Variants in ATP10A observed in about 807,000 individuals in gnomAD.
ATP10A encodes the protein ATPase phospholipid transporting 10A (putative), also known as phospholipid-transporting ATPase VA.
A neutral mutation model predicts 147.8 loss-of-function variants in ATP10A; 111 were observed. The observed-to-expected ratio is 0.75, with a 90% CI of 0.64 to 0.88. The LOEUF (loss-of-function observed/expected upper bound fraction) is 0.88, where lower values mean the gene tolerates loss of function less well. Among genes scored for constraint, ATP10A ranks in the 40% least tolerant of loss-of-function variants. The pLI is 0.00. For missense variants in ATP10A, 1,927 were observed against 1,959.0 expected (o/e 0.98, Z 0.31); for synonymous variants, 875 against 841.6 (o/e 1.04, Z -0.69).
chr15:25,704,388 C>A (rs866220856), intron 12 of ATP10A, among the ~76,000 whole-genome samples: 2 of 152,334 alleles, frequency 1.3e-5, no homozygotes, highest in South Asian at 2.1e-4. Context: ...CAACTTCCTG[C>A]CTCAAGGACC....
rs528208007 is a variant in ATP10A at position 25,803,463 on chromosome 15, G to A, written c.450-22240C>T. 2.0e-3 allele frequency among the ~76,000 whole-genome samples: 297 copies of A among 152,230 alleles called. 2 individuals are homozygous for A. Among genetic ancestry groups the A allele is most frequent in the African/African-American group, 6.7e-3 (279 of 41,524 alleles). On this transcript the variant is annotated intron_variant, in intron 1 of 20. Coordinates refer to ENST00000555815, the MANE Select transcript of ATP10A (RefSeq NM_024490.4). Reference sequence around the variant, plus strand: ...AAGGACTGAATGGCTAGGACAACTCGCCCTCTACCAAGAGCTTTGCAAAGT... The same window carrying A: ...AAGGACTGAATGGCTAGGACAACTCACCCTCTACCAAGAGCTTTGCAAAGT...
At chr15:25,786,404 G>A (rs1308955681) in intron 1 of ATP10A, among the ~76,000 whole-genome samples, 1 of 152,130 alleles carries the variant, frequency 6.6e-6, no homozygotes, top group Admixed American at 6.6e-5. Context: ...GCACATCCAT[G>A]AAGGCAGACA....
At chr15:25,793,969 G>C (rs1242318490) in intron 1 of ATP10A, among the ~76,000 whole-genome samples, 1 of 152,190 alleles carries the variant, frequency 6.6e-6, no homozygotes, top group East Asian at 1.9e-4. Context: ...CAGATGCCCA[G>C]GGATACAGCA....
chr15:25,718,436 G>A (rs1173361774), intron 7 of ATP10A, 37 bp from the exon 8 acceptor site: 6 of 1,552,310 alleles, frequency 3.9e-6, no homozygotes, highest in South Asian at 2.3e-5. Context: ...CATCATGGGG[G>A]AAGGCTGGGC....
At chr15:25,757,277 T>C (rs1888466765) in intron 2 of ATP10A, among the ~76,000 whole-genome samples, 1 of 152,082 alleles carries the variant, frequency 6.6e-6, no homozygotes, top group Non-Finnish European at 1.5e-5. Context: ...CTAGTAATTA[T>C]AAAATTTAAA....
intron 2 of ATP10A, among the ~76,000 whole-genome samples, chr15:25,767,019 A>G (rs1032428519): frequency 3.3e-5 from 5 of 152,138 alleles, no homozygotes; most frequent in Admixed American, 6.5e-5. Flanking sequence ...GGCATCAGCA[A>G]TTTCTTTGAA....
At chr15:25,799,604 C>A (rs1204316916) in intron 1 of ATP10A, among the ~76,000 whole-genome samples, 2 of 152,166 alleles carry the variant, frequency 1.3e-5, no homozygotes, top group Non-Finnish European at 2.9e-5. Flanking sequence ...CATGGAAGTG[C>A]ACGCCTGTGG....
At chr15:25,765,897 T>C (rs1303085526) in intron 2 of ATP10A, among the ~76,000 whole-genome samples, 1 of 152,204 alleles carries the variant, frequency 6.6e-6, no homozygotes, top group African/African-American at 2.4e-5. Context: ...ACCTGCCAGG[T>C]GCAGTGCAAA....
In ATP10A at chr15:25,863,205, G is replaced by A. The variant is rs1893856169; in HGVS notation, c.-109C>T. 5 of 785,824 alleles carry A rather than the reference G, an allele frequency of 6.4e-6. No homozygotes were observed. In the Admixed American group the frequency reaches 1.7e-4, roughly 26 times the overall value. The allele number at this position is 785,824 out of a possible 1,614,324, so 48.7% of individuals were successfully genotyped here. A position where few individuals can be genotyped will look rare whatever the true frequency, so the allele number is the denominator to read the frequency against. ...GCGCGGCGGTGCGAGCTCCCCGCCT[G>A]CGGGACGCACGGAGACCGCGGTCAG... On this transcript the variant is annotated 5_prime_UTR_variant, in exon 1 of 21. Coordinates refer to ENST00000555815, the MANE Select transcript of ATP10A (RefSeq NM_024490.4).
intron 1 of ATP10A, among the ~76,000 whole-genome samples, chr15:25,847,015 A>G (rs1204941226): frequency 6.6e-6 from 1 of 152,220 alleles, no homozygotes; most frequent in Non-Finnish European, 1.5e-5. Context: ...CAGCTACACT[A>G]AAAAGGATCA....
chr15:25,805,635 G>T (rs1274711906), intron 1 of ATP10A, among the ~76,000 whole-genome samples: 1 of 152,142 alleles, frequency 6.6e-6, no homozygotes, highest in Non-Finnish European at 1.5e-5. Context: ...GATTGGAGGG[G>T]TGTGTCTGTC....
At chr15:25,856,139 C>T (rs147251415) in intron 1 of ATP10A, among the ~76,000 whole-genome samples, 3 of 152,172 alleles carry the variant, frequency 2.0e-5, no homozygotes, top group Non-Finnish European at 4.4e-5. Flanking sequence ...TGGGTTGGCT[C>T]TCTGTCCCCA....
chr15:25,681,729 A>T (rs915833146), intron 17 of ATP10A, among the ~76,000 whole-genome samples: 14 of 152,140 alleles, frequency 9.2e-5, no homozygotes, highest in Non-Finnish European at 1.8e-4. Flanking sequence ...CACCAAAAAG[A>T]CGAGCTTCAG....
intron 2 of ATP10A, among the ~76,000 whole-genome samples, chr15:25,737,635 G>A (rs916468018): frequency 1.4e-4 from 22 of 152,246 alleles, no homozygotes; most frequent in African/African-American, 5.1e-4. Context: ...TTTAGAACTG[G>A]AGGGATCTCT....
intron 1 of ATP10A, among the ~76,000 whole-genome samples, chr15:25,856,560 G>C (rs1393268866): frequency 6.6e-6 from 1 of 152,182 alleles, no homozygotes; most frequent in Non-Finnish European, 1.5e-5. Flanking sequence ...TGGGAAACCA[G>C]GGAGTAGATG....
rs1353949737 is a variant in ATP10A at position 25,862,800 on chromosome 15, G to C, written c.297C>G (p.Phe99Leu). 1.9e-6 allele frequency: 3 copies of C among 1,610,544 alleles called. No individual in the cohort carries two copies. In the South Asian group the frequency reaches 3.3e-5, roughly 18 times the overall value. The change falls in exon 1 of 21, where the codon TTC becomes TTG. Residue 99 changes from phenylalanine (F) to leucine (L), a missense_variant. By Grantham distance (22) the Phe-to-Leu change is conservative. Coordinates refer to ENST00000555815, the MANE Select transcript of ATP10A (RefSeq NM_024490.4). ...GCTGGAAGGCGTTCACCGCCGGCAC[G>C]AAGTTGAGCAGCGCGATGAAGACAA... ...VYFVFIALLN[F>L]VPAVNAFQPG...
At chr15:25,680,766 G>T in intron 19 of ATP10A, 44 bp downstream of exon 19, 1 of 1,540,978 alleles carries the variant, frequency 6.5e-7, no homozygotes, top group Non-Finnish European at 9.0e-7. Context: ...GGGGTCCACG[G>T]CATCAGTGCT....
intron 1 of ATP10A, among the ~76,000 whole-genome samples, chr15:25,861,152 G>A (rs368087718): frequency 3.2e-4 from 29 of 90,112 alleles, no homozygotes; most frequent in African/African-American, 6.8e-4. Flanking sequence ...AGCAGGCAGA[G>A]TGGTGTTTCT....
At chr15:25,806,473 C>A (rs1891193395) in intron 1 of ATP10A, among the ~76,000 whole-genome samples, 1 of 152,022 alleles carries the variant, frequency 6.6e-6, no homozygotes, top group African/African-American at 2.4e-5. Context: ...CCACCACGCC[C>A]AGCTAATTTT....
Sources: gnomAD v4.1 joint callset for allele counts (sites outside exome capture counted in the v4.1 genomes callset) on GRCh38, gnomAD v4.1.1 for gene constraint, MANE v1.5 for transcripts, NCBI Gene and HGNC (gene_info 2026-07-23, HGNC 2026-07-21) for gene names.